TTC28: variants seen among roughly 807,000 people sequenced by gnomAD.
TTC28 encodes the protein tetratricopeptide repeat protein 28.
Under a neutral mutation model 198.0 loss-of-function variants are expected in TTC28, and 61 were observed. The observed-to-expected ratio is 0.31, with a 90% CI of 0.25 to 0.38. TTC28 has a LOEUF of 0.38. Ranked by LOEUF, TTC28 falls within the 10% of genes least tolerant of loss-of-function variation. TTC28 has a pLI of 1.00. For missense variants in TTC28, 2,678 were observed against 3,164.0 expected (o/e 0.85, Z 3.69); for synonymous variants, 1,171 against 1,297.8 (o/e 0.90, Z 2.10).
chr22:28,330,390 C>A (rs2045596014), intron 2 of TTC28, among the ~76,000 whole-genome samples: 2 of 152,124 alleles, frequency 1.3e-5, no homozygotes, highest in African/African-American at 4.8e-5. Context: ...ATTGGCTGAA[C>A]AGCTCCAGAT....
intron 14 of TTC28, among the ~76,000 whole-genome samples, chr22:28,013,662 G>A (rs1015994068): frequency 1.2e-4 from 19 of 152,214 alleles, no homozygotes; most frequent in Admixed American, 1.2e-3. Context: ...AGGATGAGAG[G>A]TGGGGAGGTG....
At chr22:28,568,520 A>T (rs576463848) in intron 2 of TTC28, among the ~76,000 whole-genome samples, 96 of 152,334 alleles carry the variant, frequency 6.3e-4, no homozygotes, top group South Asian at 6.0e-3. Flanking sequence ...AAGTTTCAGG[A>T]TACAAAATCA....
At chr22:28,260,996 T>C (rs1030292049) in intron 5 of TTC28, among the ~76,000 whole-genome samples, 18 of 152,300 alleles carry the variant, frequency 1.2e-4, no homozygotes, top group African/African-American at 4.1e-4. Context: ...AATTTTCTCA[T>C]ACTTCCTCTA....
intron 1 of TTC28, among the ~76,000 whole-genome samples, chr22:28,650,404 A>G (rs1261034790): frequency 6.6e-6 from 1 of 152,256 alleles, no homozygotes; most frequent in Non-Finnish European, 1.5e-5. Context: ...ATAAAACAGA[A>G]GGATAAACTG....
intron 2 of TTC28, among the ~76,000 whole-genome samples, chr22:28,402,917 C>CTCT (rs2046939918): frequency 6.6e-6 from 1 of 152,208 alleles, no homozygotes; most frequent in Admixed American, 6.5e-5. Flanking sequence ...TCCAATCATG[C>CTCT]TCTTACCAGC....
At chr22:28,373,998 C>T (rs1165056193) in intron 2 of TTC28, among the ~76,000 whole-genome samples, 1 of 152,134 alleles carries the variant, frequency 6.6e-6, no homozygotes, top group Non-Finnish European at 1.5e-5. Context: ...CTGCTTTGAT[C>T]AGATTTAGCT....
At chr22:28,460,151 G>A (rs1184958362) in intron 2 of TTC28, among the ~76,000 whole-genome samples, 5 of 152,008 alleles carry the variant, frequency 3.3e-5, no homozygotes, top group East Asian at 1.9e-4. Flanking sequence ...AGGATTATCA[G>A]AACAAAAGTT....
Position 28,163,357 on chromosome 22 carries a change from T to G in TTC28, c.1176A>C (p.Glu392Asp). Residue 392 changes from glutamate (E) to aspartate (D), a missense_variant, in exon 6 of 23, where the codon GAA becomes GAC. Coordinates refer to ENST00000397906, the MANE Select transcript of TTC28 (RefSeq NM_001145418.2). ...CCAGGTTGCTATAAGCCCGGGCCTC[T>G]TCTCGCTTGTTCCCCAGGTCCTTGG... ...KIAKDLGNKR[E>D]EARAYSNLGS... 1 of 1,552,114 alleles carries G rather than the reference T, an allele frequency of 6.4e-7. No individual in the cohort carries two copies.
intron 1 of TTC28, among the ~76,000 whole-genome samples, chr22:28,650,365 A>G (rs1387384916): frequency 1.3e-5 from 2 of 152,180 alleles, no homozygotes; most frequent in African/African-American, 4.8e-5. Context: ...GCTCAAAGAC[A>G]ATGAAAGGTG....
At chr22:28,470,870 C>G (rs1348950916) in intron 2 of TTC28, among the ~76,000 whole-genome samples, 3 of 152,088 alleles carry the variant, frequency 2.0e-5, no homozygotes, top group African/African-American at 7.2e-5. Flanking sequence ...AGGTTAGACT[C>G]GAAATGTGGA....
chr22:28,402,298 G>A (rs1368220937), intron 2 of TTC28, among the ~76,000 whole-genome samples: 2 of 152,176 alleles, frequency 1.3e-5, no homozygotes, highest in Non-Finnish European at 2.9e-5. Flanking sequence ...TGCCTAAAGT[G>A]GTAACAGGAG....
At chr22:28,101,426 C>T (rs1942149112) in intron 8 of TTC28, 146 bp from the exon 9 acceptor site, 4 of 663,826 alleles carry the variant, frequency 6.0e-6, no homozygotes, top group Non-Finnish European at 7.6e-6. Context: ...AGTGCAGTGG[C>T]AGCTCACTGC....
At chr22:28,075,484 CACA>C (rs1433306849) in intron 12 of TTC28, among the ~76,000 whole-genome samples, 1 of 152,060 alleles carries the variant, frequency 6.6e-6, no homozygotes, top group East Asian at 1.9e-4. Context: ...GAGAGGAGGC[CACA>C]ACAAGACAGG....
chr22:28,335,887 T>C (rs2045707611), intron 2 of TTC28, among the ~76,000 whole-genome samples: 1 of 151,964 alleles, frequency 6.6e-6, no homozygotes, highest in Admixed American at 6.6e-5. Flanking sequence ...TGAATAGGAG[T>C]GGTGAGAGAG....
intron 2 of TTC28, among the ~76,000 whole-genome samples, chr22:28,457,859 C>T (rs1291036259): frequency 6.6e-6 from 1 of 152,080 alleles, no homozygotes; most frequent in Admixed American, 6.6e-5. Context: ...TAATTAACAT[C>T]GTATTGTCCA....
intron 1 of TTC28, among the ~76,000 whole-genome samples, chr22:28,678,062 C>T (rs1454089682): frequency 6.6e-6 from 1 of 152,096 alleles, no homozygotes; most frequent in Non-Finnish European, 1.5e-5. Flanking sequence ...TTTGCTTTGT[C>T]ATAAATGTAG....
Position 28,371,509 on chromosome 22 carries a change from C to CA in TTC28, c.382-64867dup, listed in dbSNP as rs1229801209. ...TGGGCAACAGAGTGAGACCCTGTCT[C>CA]AAAAAAAAAAAAAAAAAAAAGAGTT... is the stretch of plus-strand genomic sequence containing the variant. On this transcript the variant is annotated intron_variant, in intron 2 of 22. Transcript: ENST00000397906. Among the ~76,000 whole-genome samples, 34 of 6,102 alleles carry CA rather than the reference C, an allele frequency of 5.6e-3. 3 individuals are homozygous for CA. Among genetic ancestry groups the CA allele is most frequent in the Admixed American group, 0.014 (3 of 216 alleles). 4.0% of individuals were successfully genotyped at this position (6,102 alleles called of 152,430 possible). A position where few individuals can be genotyped will look rare whatever the true frequency, so the allele number is the denominator to read the frequency against.
chr22:28,336,028 A>C (rs2045710568), intron 2 of TTC28, among the ~76,000 whole-genome samples: 2 of 152,138 alleles, frequency 1.3e-5, no homozygotes, highest in African/African-American at 4.8e-5. Flanking sequence ...TACCTAATTT[A>C]TTGAGAGTTT....
chr22:28,256,967 G>T (rs1274173211), intron 5 of TTC28, among the ~76,000 whole-genome samples: 2 of 152,196 alleles, frequency 1.3e-5, no homozygotes, highest in Non-Finnish European at 2.9e-5. Flanking sequence ...CTGAGCTCAG[G>T]AGTTTGAGGT....
Sources: allele counts gnomAD v4.1 joint callset (sites outside exome capture counted in the v4.1 genomes callset), GRCh38; gene constraint gnomAD v4.1.1; transcripts MANE v1.5; gene names NCBI Gene and HGNC (gene_info 2026-07-23, HGNC 2026-07-21).